Variants in RSPO4 observed in about 807,000 individuals in gnomAD.
RSPO4 encodes R-spondin-4.
A neutral mutation model predicts 24.8 loss-of-function variants in RSPO4; 23 were observed. That is an observed-to-expected ratio of 0.93 (90% CI 0.67 to 1.31). The LOEUF is 1.31. Among genes scored for constraint, RSPO4 ranks in the 40% most tolerant of loss-of-function variants. The pLI is 0.00. For synonymous variants in RSPO4, 141 were observed against 127.4 expected (o/e 1.11, Z -0.72); for missense variants, 333 against 316.5 (o/e 1.05, Z -0.39).
intron 1 of RSPO4, among the ~76,000 whole-genome samples, chr20:979,260 C>T (rs1396000473): frequency 6.6e-6 from 1 of 152,222 alleles, no homozygotes; most frequent in Non-Finnish European, 1.5e-5. Context: ...GCCAAGACCA[C>T]TCCCACCACA....
At chr20:961,375 C>T (rs911977454) in intron 4 of RSPO4, among the ~76,000 whole-genome samples, 15 of 152,184 alleles carry the variant, frequency 9.9e-5, no homozygotes, top group African/African-American at 3.1e-4. Context: ...TCTGAAGGTG[C>T]GCAGCGAGGC....
intron 1 of RSPO4, among the ~76,000 whole-genome samples, chr20:998,983 CTCTTT>C (rs1568935929): frequency 6.9e-6 from 1 of 143,892 alleles, no homozygotes; most frequent in African/African-American, 2.7e-5. Flanking sequence ...CTCTCTCGCT[CTCTTT>C]TTTTTTTTTT....
intron 1 of RSPO4, among the ~76,000 whole-genome samples, chr20:987,666 C>T (rs2122254310): frequency 6.6e-6 from 1 of 152,218 alleles, no homozygotes; most frequent in South Asian, 2.1e-4. Context: ...TGATGCGTGC[C>T]TATAGTCCCA....
chr20:1,002,013 C>T lies in RSPO4; in HGVS notation c.79+73G>A. 3.0e-6 allele frequency: 4 copies of T among 1,347,606 alleles called. No individual in the cohort carries two copies. The highest frequency in any genetic ancestry group is 2.5e-5 in the South Asian group (2 of 80,082). 83.5% of individuals were successfully genotyped at this position (1,347,606 alleles called of 1,614,324 possible). A position where few individuals can be genotyped will look rare whatever the true frequency, so the allele number is the denominator to read the frequency against. On this transcript the variant is annotated intron_variant, in intron 1 of 4. Transcript: ENST00000217260. The surrounding 1 kb of genome is among the most constrained non-coding windows in gnomAD (Gnocchi z 4.6). The stretch of plus-strand genomic sequence containing the variant: ...ACCAGGCAGATGCCCCCAGAGCCGC[C>T]GCCCCCGGTCCTCCGGCCCCCGGTC...
chr20:961,079 A>C (rs1454979787), intron 4 of RSPO4, among the ~76,000 whole-genome samples: 1 of 152,036 alleles, frequency 6.6e-6, no homozygotes, highest in Admixed American at 6.5e-5. Context: ...TTTCTGTGCC[A>C]GGCTACCTTT....
At chr20:1,001,992 G>A in intron 1 of RSPO4, 94 bp downstream of exon 1, 1 of 1,062,344 alleles carries the variant, frequency 9.4e-7, no homozygotes, top group South Asian at 1.4e-5. Context: ...CCAGGCACCA[G>A]GCAGATGCCC....
At position 988,250 on chromosome 20, in the gene RSPO4, T is replaced by C. The variant is rs536871348; in HGVS notation, c.79+13836A>G. Among the ~76,000 whole-genome samples the C allele has an allele frequency of 3.3e-5, 5 of 152,306 alleles. No individual in the cohort carries two copies. In the South Asian group the frequency reaches 1.0e-3, roughly 32 times the overall value. On this transcript the variant is annotated intron_variant, in intron 1 of 4. Transcript: ENST00000217260. ...GAGTTTGGATGGTGCTGGATTTTCC[T>C]GGAAGTGAGTTGGGAAGCCACTGTG...
At chr20:980,952 G>T (rs865931927) in intron 1 of RSPO4, among the ~76,000 whole-genome samples, 1 of 152,190 alleles carries the variant, frequency 6.6e-6, no homozygotes, top group African/African-American at 2.4e-5. Context: ...TTAACTCAGG[G>T]ATCTTGGGTT....
chr20:995,461 G>A (rs185278630), intron 1 of RSPO4, among the ~76,000 whole-genome samples: 7 of 152,322 alleles, frequency 4.6e-5, no homozygotes, highest in South Asian at 2.1e-4. Context: ...GGAAAGGAGC[G>A]TGCAATGTCT....
chr20:974,515 G>T lies in RSPO4; in HGVS notation c.80-6377C>A, dbSNP rs1163695965. ...TGCACTCTCTGGCATTGAGGTTCGTGTGCTGCCATATCCACCCAGATGCAC... is the reference window on the plus strand; with the variant it reads ...TGCACTCTCTGGCATTGAGGTTCGTTTGCTGCCATATCCACCCAGATGCAC... On this transcript the variant is annotated intron_variant, in intron 1 of 4. Coordinates refer to ENST00000217260, the MANE Select transcript of RSPO4 (RefSeq NM_001029871.4). Among the ~76,000 whole-genome samples, 9 of 152,366 alleles carry T rather than the reference G, an allele frequency of 5.9e-5. No individual in the cohort carries two copies. In the East Asian group the frequency reaches 1.7e-3, roughly 29 times the overall value.
chr20:965,655 G>A (rs1401796402), intron 3 of RSPO4, among the ~76,000 whole-genome samples: 8 of 152,204 alleles, frequency 5.3e-5, no homozygotes, highest in South Asian at 2.1e-4. Flanking sequence ...GGAAGAGGGC[G>A]GCACAGAGGA....
At chr20:960,776 C>A (rs564477) in intron 4 of RSPO4, among the ~76,000 whole-genome samples, 14,681 of 152,260 alleles carry the variant, frequency 0.096, 1,034 homozygotes, top group African/African-American at 0.2. Context: ...ATCAGCATGT[C>A]GGGTGGCCTC....
At chr20:963,073 G>A (rs1350780828) in intron 4 of RSPO4, among the ~76,000 whole-genome samples, 2 of 152,186 alleles carry the variant, frequency 1.3e-5, no homozygotes, top group Non-Finnish European at 2.9e-5. Flanking sequence ...GTAAATCAGT[G>A]GTCCTTCATA....
At position 1,001,417 on chromosome 20, in the gene RSPO4, C is replaced by T. The variant is rs180770273; in HGVS notation, c.79+669G>A. On this transcript the variant is annotated intron_variant, in intron 1 of 4. Coordinates refer to ENST00000217260, the MANE Select transcript of RSPO4 (RefSeq NM_001029871.4). ...TAGGACTCCCAGGTGAGAGCGCATG[C>T]GGCCCCTGGTACATTTATAATCTGA... 3.9e-5 allele frequency among the ~76,000 whole-genome samples: 6 copies of T among 152,320 alleles called. No individual in the cohort carries two copies. In the East Asian group the frequency reaches 1.2e-3, roughly 29 times the overall value.
At chr20:966,601 A>G (rs534845091) in intron 3 of RSPO4, among the ~76,000 whole-genome samples, 56 of 152,058 alleles carry the variant, frequency 3.7e-4, no homozygotes, top group Admixed American at 2.2e-3. Context: ...GGTGGCTCAT[A>G]CCTATACTCC....
intron 1 of RSPO4, among the ~76,000 whole-genome samples, chr20:973,676 A>T (rs544581983): frequency 1.8e-4 from 27 of 152,252 alleles, no homozygotes; most frequent in Admixed American, 4.6e-4. Context: ...GGGTTTCGCC[A>T]TGTTGGCCAG....
chr20:986,629 T>A (rs1984930367), intron 1 of RSPO4, among the ~76,000 whole-genome samples: 1 of 117,826 alleles, frequency 8.5e-6, no homozygotes, highest in African/African-American at 3.3e-5. Flanking sequence ...GATTGGAGTT[T>A]AAAAATACGA....
intron 1 of RSPO4, among the ~76,000 whole-genome samples, chr20:999,836 G>A (rs544290034): frequency 1.3e-5 from 2 of 152,202 alleles, no homozygotes; most frequent in Admixed American, 6.5e-5. Flanking sequence ...GAGCTGAGAA[G>A]CATCTTAAAG....
chr20:963,866 T>C, intron 4 of RSPO4, 69 bp downstream of exon 4: 1 of 1,486,064 alleles, frequency 6.7e-7, no homozygotes, highest in Admixed American at 1.7e-5. Flanking sequence ...TGTGGGGCAG[T>C]GATCTGAGTC....
Sources: allele counts gnomAD v4.1 joint callset (sites outside exome capture counted in the v4.1 genomes callset), GRCh38; gene constraint gnomAD v4.1.1; non-coding constraint Gnocchi (gnomAD v3.1); transcripts MANE v1.5; gene names NCBI Gene and HGNC (gene_info 2026-07-23, HGNC 2026-07-21).